Variants in INPP4B observed in about 807,000 individuals in gnomAD.
INPP4B encodes inositol polyphosphate 4-phosphatase type II.
In INPP4B, 55 loss-of-function variants were observed where a neutral mutation model predicts 122.5. The ratio of observed to expected loss-of-function variants is 0.45; its 90% CI spans 0.36 to 0.56. INPP4B has a LOEUF of 0.56. INPP4B is among the 20% of genes least tolerant of loss of function. INPP4B has a pLI of 0.00. For synonymous variants in INPP4B, 403 were observed against 388.7 expected (o/e 1.04, Z -0.43); for missense variants, 1,000 against 1,097.7 (o/e 0.91, Z 1.26).
intron 25 of INPP4B, among the ~76,000 whole-genome samples, chr4:142,034,900 G>A (rs1050507392): frequency 1.3e-5 from 2 of 151,936 alleles, no homozygotes; most frequent in Non-Finnish European, 2.9e-5. Flanking sequence ...AACCCTCCTG[G>A]CTGGGGCACC....
At chr4:142,784,557 ATT>A (rs1156390829) in intron 1 of INPP4B, among the ~76,000 whole-genome samples, 1 of 152,004 alleles carries the variant, frequency 6.6e-6, no homozygotes, top group Non-Finnish European at 1.5e-5. Context: ...GGAGCCATCA[ATT>A]TATAGAAGCA....
chr4:142,640,896 G>A (rs1341396700), intron 2 of INPP4B, among the ~76,000 whole-genome samples: 3 of 152,082 alleles, frequency 2.0e-5, no homozygotes, highest in African/African-American at 7.2e-5. Flanking sequence ...TCAGCAGATT[G>A]GCTAAAATTT....
rs147486527 is a variant in INPP4B, at chr4:142,511,121, G to A, written c.-190-48395C>T. The stretch of plus-strand genomic sequence containing the variant: ...TATGAGCTCCACAGGGCACATTTTG[G>A]TTTGTTCAATATACTATTCCTATTT... On this transcript the variant is annotated intron_variant, in intron 2 of 25. Transcript: ENST00000262992. 9.7e-4 allele frequency among the ~76,000 whole-genome samples: 147 copies of A among 151,992 alleles called. 1 individual carries two copies. In the East Asian group the frequency reaches 0.021, roughly 22 times the overall value.
Position 142,145,985 on chromosome 4 carries a change from C to T in INPP4B, c.1575G>A (p.Trp525Ter), listed in dbSNP as rs376698756. 1.2e-6 allele frequency: 2 copies of T among 1,612,774 alleles called. No homozygotes were observed. The highest frequency in any genetic ancestry group is 1.7e-6 in the Non-Finnish European group (2 of 1,179,176). Residue 525 changes from tryptophan to a stop codon, truncating the protein, a stop_gained, in exon 18 of 26, where the codon TGG (tryptophan) becomes TGA (stop). Transcript: ENST00000262992. LOFTEE classifies it high-confidence loss of function. Reference protein sequence around the residue: ...DYDEEEWDRVWANVGKSLNCI... With the variant: ...DYDEEEWDRV ...AGTTCAGGCTCTTCCCCACATTGGC[C>T]CACACCCTGTCCTGAAAAAAGCATG...
At chr4:142,531,954 T>C (rs1276727432) in intron 2 of INPP4B, among the ~76,000 whole-genome samples, 1 of 152,210 alleles carries the variant, frequency 6.6e-6, no homozygotes. Flanking sequence ...GTTAATTTTA[T>C]TTTCTAATTA....
At chr4:142,838,756 A>C (rs753321462) in intron 1 of INPP4B, among the ~76,000 whole-genome samples, 18 of 152,218 alleles carry the variant, frequency 1.2e-4, no homozygotes, top group Non-Finnish European at 2.2e-4. Context: ...GGTTATCATC[A>C]AGTTTTTAAA....
intron 12 of INPP4B, among the ~76,000 whole-genome samples, chr4:142,230,643 C>CAAAAA (rs11309327): frequency 4.3e-4 from 34 of 79,510 alleles, no homozygotes; most frequent in Non-Finnish European, 5.8e-4. Context: ...AACTCCACCT[C>CAAAAA]AAAAAAAAAA....
chr4:142,829,115 C>T lies in INPP4B; in HGVS notation c.-254+17094G>A, dbSNP rs150346648. Among the ~76,000 whole-genome samples the T allele has an allele frequency of 2.9e-3, 434 of 150,830 alleles. 2 individuals carry two copies. Among genetic ancestry groups the T allele is most frequent in the African/African-American group, 9.6e-3 (394 of 40,980 alleles). ...ATGAAGTGCCCAAAGAAATAAGAGA[C>T]GGAATTAAAATTTGAAAAAGGAGCA... On this transcript the variant is annotated intron_variant, in intron 1 of 25. Transcript: ENST00000262992.
intron 25 of INPP4B, among the ~76,000 whole-genome samples, chr4:142,059,493 T>C (rs142971463): frequency 0.024 from 3,699 of 152,260 alleles, 61 homozygotes; most frequent in Middle Eastern, 0.048. Flanking sequence ...AGGTTTTTCA[T>C]GAGAAGGAAC....
intron 2 of INPP4B, among the ~76,000 whole-genome samples, chr4:142,665,407 T>C (rs575019298): frequency 3.2e-4 from 46 of 145,488 alleles, no homozygotes; most frequent in African/African-American, 1.0e-3. Flanking sequence ...GGCAGGAGAA[T>C]GGCGTGAACC....
At chr4:142,616,018 A>G (rs1210414019) in intron 2 of INPP4B, among the ~76,000 whole-genome samples, 3 of 152,162 alleles carry the variant, frequency 2.0e-5, no homozygotes, top group African/African-American at 7.2e-5. Flanking sequence ...ATCTCTTTAT[A>G]TGGGAGAGAT....
At chr4:142,775,647 T>C (rs998204038) in intron 1 of INPP4B, among the ~76,000 whole-genome samples, 4 of 152,116 alleles carry the variant, frequency 2.6e-5, no homozygotes, top group African/African-American at 9.6e-5. Flanking sequence ...ACTGCTGGGA[T>C]TACAGGCATG....
At chr4:142,524,307 C>T (rs1310319503) in intron 2 of INPP4B, among the ~76,000 whole-genome samples, 2 of 152,088 alleles carry the variant, frequency 1.3e-5, no homozygotes, top group Admixed American at 1.3e-4. Flanking sequence ...TCCACATCCT[C>T]TCCAGCACCT....
intron 2 of INPP4B, among the ~76,000 whole-genome samples, chr4:142,482,953 A>G (rs192785089): frequency 2.9e-3 from 444 of 152,226 alleles, no homozygotes; most frequent in Non-Finnish European, 5.5e-3. Flanking sequence ...ATATAAGATT[A>G]TCTATGAATA....
intron 7 of INPP4B, among the ~76,000 whole-genome samples, chr4:142,402,539 A>G (rs114565880): frequency 0.01 from 1,569 of 152,276 alleles, 19 homozygotes; most frequent in African/African-American, 0.033. Flanking sequence ...TTCTCTCTAT[A>G]CGGTATGCAA....
At position 142,223,591 on chromosome 4, in the gene INPP4B, G is replaced by C. The variant is rs183474132; in HGVS notation, c.836+14273C>G. Among the ~76,000 whole-genome samples, 194 of 152,162 alleles carry C rather than the reference G, an allele frequency of 1.3e-3. 1 individual carries two copies. The highest frequency in any genetic ancestry group is 4.6e-3 in the African/African-American group (189 of 41,516). ...AAACACGTATTTCTATCACCAGCTTGGTGACACTAAGTGCTCTACAGGACC... is the reference window on the plus strand; with the variant it reads ...AAACACGTATTTCTATCACCAGCTTCGTGACACTAAGTGCTCTACAGGACC... On this transcript the variant is annotated intron_variant, in intron 12 of 25. Coordinates refer to ENST00000262992, the MANE Select transcript of INPP4B (RefSeq NM_001101669.3).
intron 2 of INPP4B, among the ~76,000 whole-genome samples, chr4:142,577,407 T>G (rs956091481): frequency 2.6e-5 from 4 of 152,056 alleles, no homozygotes; most frequent in Admixed American, 2.6e-4. Context: ...TCATTTTTTA[T>G]GTCTAGTTCT....
intron 3 of INPP4B, among the ~76,000 whole-genome samples, chr4:142,450,122 T>C (rs1369861330): frequency 6.6e-6 from 1 of 152,104 alleles, no homozygotes; most frequent in African/African-American, 2.4e-5. Context: ...TGTCCCCAGC[T>C]CTCACTCCCT....
At chr4:142,188,512 A>ATATATATATAT (rs1188321189) in intron 15 of INPP4B, among the ~76,000 whole-genome samples, 4 of 32,844 alleles carry the variant, frequency 1.2e-4, no homozygotes, top group Admixed American at 5.2e-4. Flanking sequence ...AAAAAAAAAG[A>ATATATATATAT]AAAAAAATAT....
Sources: allele counts gnomAD v4.1 joint callset (sites outside exome capture counted in the v4.1 genomes callset), GRCh38; gene constraint gnomAD v4.1.1; transcripts MANE v1.5; gene names NCBI Gene and HGNC (gene_info 2026-07-23, HGNC 2026-07-21).